Variants in LATS1 observed in about 807,000 individuals in gnomAD.
The protein encoded by LATS1 is serine/threonine-protein kinase LATS1.
In LATS1, 25 loss-of-function variants were observed where a neutral mutation model predicts 106.6. The observed-to-expected ratio is 0.23, with a 90% confidence interval of 0.17 to 0.33. LATS1 has a LOEUF of 0.33. Ranked by LOEUF, LATS1 falls within the 10% of genes least tolerant of loss-of-function variation. The probability of loss-of-function intolerance (pLI) is 1.00; values close to 1 mark genes in which losing one functional copy is unlikely to be tolerated. For missense variants in LATS1, 1,040 were observed against 1,382.6 expected (o/e 0.75, Z 3.93); for synonymous variants, 465 against 455.6 (o/e 1.02, Z -0.26).
chr6:149,691,089 T>G (rs577592881), intron 3 of LATS1, among the ~76,000 whole-genome samples: 1 of 152,276 alleles, frequency 6.6e-6, no homozygotes, highest in Non-Finnish European at 1.5e-5. Flanking sequence ...TTACCTCATT[T>G]GCTGAACCCC....
chr6:149,697,042 T>TA, intron 2 of LATS1: 1 of 726,784 alleles, frequency 1.4e-6, no homozygotes, highest in Admixed American at 2.3e-5. Flanking sequence ...CTCACTATCA[T>TA]GCAGAAAGTA....
chr6:149,694,459 G>A (rs1782949254), intron 3 of LATS1, among the ~76,000 whole-genome samples: 1 of 152,150 alleles, frequency 6.6e-6, no homozygotes, highest in Non-Finnish European at 1.5e-5. Flanking sequence ...ATAGGTGTGA[G>A]CCACTGCAGT....
intron 7 of LATS1, among the ~76,000 whole-genome samples, chr6:149,670,345 T>C (rs1781383099): frequency 6.6e-6 from 1 of 151,254 alleles, no homozygotes; most frequent in Non-Finnish European, 1.5e-5. Flanking sequence ...GCATCAGAGG[T>C]CCACCCTTCC....
At chr6:149,667,025 T>C (rs542392070) in intron 7 of LATS1, among the ~76,000 whole-genome samples, 3 of 150,900 alleles carry the variant, frequency 2.0e-5, no homozygotes, top group South Asian at 4.2e-4. Context: ...ATTGAAGATA[T>C]AAAGTATCAA....
At chr6:149,682,569 G>A (rs1293759890) in intron 4 of LATS1, among the ~76,000 whole-genome samples, 1 of 151,792 alleles carries the variant, frequency 6.6e-6, no homozygotes, top group Non-Finnish European at 1.5e-5. Flanking sequence ...CCGCCACCAT[G>A]CCCAGCTAAT....
At chr6:149,704,069 T>A (rs1368302568) in intron 1 of LATS1, among the ~76,000 whole-genome samples, 1 of 152,222 alleles carries the variant, frequency 6.6e-6, no homozygotes, top group Non-Finnish European at 1.5e-5. Flanking sequence ...AATGGCACGA[T>A]CTTGGCTCAC....
chr6:149,676,192 C>A (rs1290167542), intron 7 of LATS1, 68 bp downstream of exon 7: 3 of 1,077,014 alleles, frequency 2.8e-6, no homozygotes, highest in Non-Finnish European at 4.3e-6. Context: ...GCTCTACGTA[C>A]TAATAAATAA....
intron 1 of LATS1, among the ~76,000 whole-genome samples, chr6:149,709,138 G>T (rs1394198663): frequency 6.6e-6 from 1 of 152,184 alleles, no homozygotes; most frequent in Non-Finnish European, 1.5e-5. Context: ...AAGAGCATTT[G>T]AAAGTTAACC....
Position 149,702,026 on chromosome 6 carries a change from A to G in LATS1, c.101T>C (p.Ile34Thr). ...TVSSRQMLQEIRESLRNLSKP... is the reference protein window; with the variant it reads ...TVSSRQMLQETRESLRNLSKP... ...AGATAAATTCCTAAGGGATTCCCGA[A>G]TTTCTTGTAACATTTGCCGGCTACT... The change falls in exon 2 of 8, where the codon ATT (isoleucine) becomes ACT (threonine). Residue 34 changes from isoleucine (I) to threonine (T), a missense_variant. Physicochemically the swap from Ile to Thr is moderately conservative, Grantham distance 89. Transcript: ENST00000543571. 6.2e-7 allele frequency: 1 copy of G among 1,614,112 alleles called. No individual in the cohort carries two copies. Among genetic ancestry groups the G allele is most frequent in the Non-Finnish European group, 8.5e-7 (1 of 1,180,000 alleles).
At chr6:149,699,676 A>G (rs886886640) in intron 2 of LATS1, among the ~76,000 whole-genome samples, 10 of 152,214 alleles carry the variant, frequency 6.6e-5, no homozygotes, top group African/African-American at 2.4e-4. Context: ...AATTATTGTT[A>G]TTATTACCAA....
intron 7 of LATS1, among the ~76,000 whole-genome samples, chr6:149,664,727 T>A (rs1003495127): frequency 8.5e-5 from 13 of 152,186 alleles, no homozygotes; most frequent in South Asian, 2.1e-4. Flanking sequence ...TTAAAAAAAA[T>A]TATTTTTTTA....
rs1158514289 is a variant in LATS1, at chr6:149,684,565, T to C, written c.524A>G (p.Lys175Arg). ...PGNVQQSVNR[K>R]QSWKGSKESL... Reference sequence around the variant, plus strand: ...TTCTTTAGAACCTTTCCAGCTCTGTTTGCGGTTAACTGATTGCTGCACATT... The same window carrying C: ...TTCTTTAGAACCTTTCCAGCTCTGTCTGCGGTTAACTGATTGCTGCACATT... Residue 175 changes from lysine to arginine, a missense_variant, in exon 4 of 8, where the codon AAA (lysine) becomes AGA (arginine). By Grantham distance (26) the Lys-to-Arg change is conservative. Coordinates refer to ENST00000543571, the MANE Select transcript of LATS1 (RefSeq NM_004690.4). 1 of 1,604,966 alleles carries C rather than the reference T, an allele frequency of 6.2e-7. No homozygotes were observed. Among genetic ancestry groups the C allele is most frequent in the Non-Finnish European group, 8.5e-7 (1 of 1,173,520 alleles).
At chr6:149,666,097 T>C (rs1204797006) in intron 7 of LATS1, among the ~76,000 whole-genome samples, 1 of 125,772 alleles carries the variant, frequency 8.0e-6, no homozygotes, top group Non-Finnish European at 1.5e-5. Context: ...ATCGCACCAC[T>C]GCACTCACTC....
rs768810899 is a variant in LATS1 at position 149,684,000 on chromosome 6, GACA to G, written c.1086_1088del (p.Val363del). ...GCTGCCGATTCACAGTGCCAGCAGG[GACA>G]ACATTTTGGTGTATCATGAAATCAG... On this transcript the variant is annotated inframe_deletion, in exon 4 of 8. Coordinates refer to ENST00000543571, the MANE Select transcript of LATS1 (RefSeq NM_004690.4). The G allele has an allele frequency of 4.3e-6, 7 of 1,613,964 alleles. No homozygotes were observed. In the East Asian group the frequency reaches 6.7e-5, roughly 15 times the overall value.
intron 7 of LATS1, among the ~76,000 whole-genome samples, chr6:149,671,066 A>T (rs1781422401): frequency 6.6e-6 from 1 of 151,624 alleles, no homozygotes; most frequent in African/African-American, 2.4e-5. Context: ...TATATATGTG[A>T]CTCAGTTTGA....
intron 1 of LATS1, among the ~76,000 whole-genome samples, chr6:149,704,845 C>A (rs1170149096): frequency 1.3e-5 from 2 of 150,422 alleles, no homozygotes; most frequent in African/African-American, 2.4e-5. Flanking sequence ...AAAATATACC[C>A]ATTTTTAATT....
At chr6:149,677,707 C>T (rs915095379) in intron 5 of LATS1, among the ~76,000 whole-genome samples, 2 of 152,058 alleles carry the variant, frequency 1.3e-5, no homozygotes, top group African/African-American at 4.8e-5. Context: ...GGCATGAAGT[C>T]ACCTAGAATA....
intron 3 of LATS1, among the ~76,000 whole-genome samples, chr6:149,692,071 C>T (rs1234171661): frequency 6.6e-6 from 1 of 152,158 alleles, no homozygotes; most frequent in African/African-American, 2.4e-5. Context: ...TCATATCTAT[C>T]CTCACACCTC....
chr6:149,717,980 C>A lies in LATS1; in HGVS notation c.-272G>T. The A allele has an allele frequency of 8.2e-6, 3 of 364,200 alleles. No homozygotes were observed. Among genetic ancestry groups the A allele is most frequent in the South Asian group, 1.8e-5 (1 of 54,370 alleles). The allele number at this position is 364,200 out of a possible 1,614,324, so 22.6% of individuals were successfully genotyped here. On this transcript the variant is annotated 5_prime_UTR_variant, in exon 1 of 8. Coordinates refer to ENST00000543571, the MANE Select transcript of LATS1 (RefSeq NM_004690.4). ...GCGGGGAGACGAACGGGGGGGCTGC[C>A]GCGGGCCAGCGCGGCCCGTCCCAGG...
Sources: gnomAD v4.1 joint callset for allele counts (sites outside exome capture counted in the v4.1 genomes callset) on GRCh38, gnomAD v4.1.1 for gene constraint, MANE v1.5 for transcripts, NCBI Gene and HGNC (gene_info 2026-07-23, HGNC 2026-07-21) for gene names.